CRHR1: variants seen among roughly 807,000 people sequenced by gnomAD.
CRHR1 encodes corticotropin releasing hormone receptor 1, also known as corticotropin-releasing hormone receptor 1.
Under a neutral mutation model 56.0 loss-of-function variants are expected in CRHR1, and 28 were observed. The ratio of observed to expected loss-of-function variants is 0.50; its 90% CI spans 0.37 to 0.69. The LOEUF is 0.69. CRHR1 is among the 30% of genes least tolerant of loss of function. The pLI is 0.00. For missense variants in CRHR1, 376 were observed against 548.0 expected (o/e 0.69, Z 3.13); for synonymous variants, 195 against 216.5 (o/e 0.90, Z 0.87).
At chr17:45,798,579 A>G (rs1344418241) in intron 1 of CRHR1, among the ~76,000 whole-genome samples, 2 of 151,364 alleles carry the variant, frequency 1.3e-5, no homozygotes, top group Admixed American at 6.6e-5. Flanking sequence ...GGGAGCTTAC[A>G]ACTCAAGCTT....
chr17:45,830,940 A>T lies in CRHR1; in HGVS notation c.770A>T (p.Lys257Met), dbSNP rs1238805391. 1.9e-6 allele frequency: 3 copies of T among 1,613,766 alleles called. No individual in the cohort carries two copies. The Admixed American group carries it at 5.0e-5, about 27-fold the overall frequency. The change falls in exon 8 of 13, where the codon AAG becomes ATG. Residue 257 changes from lysine to methionine, a missense_variant and splice_region_variant. By Grantham distance (95) the Lys-to-Met change is moderately conservative. Transcript: ENST00000314537. Reference sequence around the variant, plus strand: ...GGGAAGCTGTACTACGACAATGAGAAGTAAGTCATCTCCTTTCCCTTCCTG... The same window carrying T: ...GGGAAGCTGTACTACGACAATGAGATGTAAGTCATCTCCTTTCCCTTCCTG... ...AIGKLYYDNE[K>M]CWFGKRPGVY...
chr17:45,811,650 C>A (rs1261929057), intron 2 of CRHR1, among the ~76,000 whole-genome samples: 1 of 152,164 alleles, frequency 6.6e-6, no homozygotes, highest in African/African-American at 2.4e-5. Flanking sequence ...CTCAGACACA[C>A]CAAGCACACA....
At chr17:45,800,917 C>G (rs933391096) in intron 1 of CRHR1, 1 of 152,230 alleles carries the variant, frequency 6.6e-6, no homozygotes, top group African/African-American at 2.4e-5. Flanking sequence ...TCAGGACCCT[C>G]CCCAAAAGGT....
intron 4 of CRHR1, among the ~76,000 whole-genome samples, chr17:45,822,934 A>G (rs956200296): frequency 2.6e-5 from 4 of 151,972 alleles, no homozygotes; most frequent in African/African-American, 9.7e-5. Flanking sequence ...TCACGAGGTC[A>G]GGAGATCGAG....
At chr17:45,786,487 C>T (rs1029319237) in intron 1 of CRHR1, among the ~76,000 whole-genome samples, 3 of 152,290 alleles carry the variant, frequency 2.0e-5, no homozygotes, top group African/African-American at 4.8e-5. Flanking sequence ...GTCCTCCTAA[C>T]AGCCCTAGGA....
Position 45,833,436 on chromosome 17 carries a change from T to G in CRHR1, c.844-16T>G, listed in dbSNP as rs2062362770. 6.2e-7 allele frequency: 1 copy of G among 1,613,674 alleles called. No homozygotes were observed. On this transcript the variant is annotated splice_polypyrimidine_tract_variant and intron_variant, in intron 9 of 12. Coordinates refer to ENST00000314537, the MANE Select transcript of CRHR1 (RefSeq NM_004382.5). ...CCTCTTGCACACTCCGGCCCGCTGG[T>G]GTGCTCAAATTGCAGATCAATTTCA...
chr17:45,821,324 C>T lies in CRHR1; in HGVS notation c.242-31C>T, dbSNP rs368616971. The T allele has an allele frequency of 5.6e-4, 897 of 1,603,438 alleles. 2 individuals carry two copies. Among genetic ancestry groups the T allele is most frequent in the African/African-American group, 4.6e-3 (344 of 74,906 alleles). ...GGTCAGGCAGGGGCCGGGGCTGCCCCGCCATCACTGCCTCTCTCTTCCTTT... is the reference window on the plus strand; with the variant it reads ...GGTCAGGCAGGGGCCGGGGCTGCCCTGCCATCACTGCCTCTCTCTTCCTTT... On this transcript the variant is annotated intron_variant, in intron 3 of 12. Transcript: ENST00000314537.
chr17:45,832,555 CT>C (rs1488478608), intron 8 of CRHR1, among the ~76,000 whole-genome samples: 1 of 152,238 alleles, frequency 6.6e-6, no homozygotes, highest in Non-Finnish European at 1.5e-5. Context: ...GACATAAGGG[CT>C]TCCAGTTTGT....
At chr17:45,797,744 A>G (rs2061548081) in intron 1 of CRHR1, among the ~76,000 whole-genome samples, 1 of 152,110 alleles carries the variant, frequency 6.6e-6, no homozygotes, top group South Asian at 2.1e-4. Flanking sequence ...AAAGATTCCA[A>G]CAAGCATCTC....
chr17:45,789,196 C>T (rs1041822624), intron 1 of CRHR1, among the ~76,000 whole-genome samples: 3 of 152,178 alleles, frequency 2.0e-5, no homozygotes, highest in Admixed American at 6.5e-5. Flanking sequence ...TCTCCCAGCT[C>T]TGATTCTACC....
At chr17:45,785,473 C>T (rs901367550) in intron 1 of CRHR1, among the ~76,000 whole-genome samples, 1 of 152,224 alleles carries the variant, frequency 6.6e-6, no homozygotes, top group African/African-American at 2.4e-5. Context: ...GCCGGAGAGG[C>T]GGGTGGGCCT....
In CRHR1 at chr17:45,793,437, G is replaced by A. The variant is rs78162910; in HGVS notation, c.33+8860G>A. ...GCCTCCAAATGGGGACTGGGGAGGCGGCCTAGGTGGCATCCTGGGGTTCCC... is the reference window on the plus strand; with the variant it reads ...GCCTCCAAATGGGGACTGGGGAGGCAGCCTAGGTGGCATCCTGGGGTTCCC... On this transcript the variant is annotated intron_variant, in intron 1 of 12. Transcript: ENST00000314537. Among the ~76,000 whole-genome samples, 10 of 152,164 alleles carry A rather than the reference G, an allele frequency of 6.6e-5. No homozygotes were observed. In the East Asian group the frequency reaches 7.7e-4, roughly 12 times the overall value.
At chr17:45,794,803 C>T (rs182961396) in intron 1 of CRHR1, among the ~76,000 whole-genome samples, 2 of 152,336 alleles carry the variant, frequency 1.3e-5, no homozygotes, top group South Asian at 2.1e-4. Flanking sequence ...TACCCCTTGT[C>T]CCCGCACTCA....
rs2062240021 is a variant in CRHR1 at position 45,829,332 on chromosome 17, C to G, written c.434+11C>G. On this transcript the variant is annotated intron_variant, in intron 5 of 12. Transcript: ENST00000314537. ...CTTTCTGCGGCTCAGGTGAGAAGAC[C>G]CCAGCACTGCCTCCTCCTGTCCCCA... 1 of 1,601,900 alleles carries G rather than the reference C, an allele frequency of 6.2e-7. No individual in the cohort carries two copies. Among genetic ancestry groups the G allele is most frequent in the African/African-American group, 1.3e-5 (1 of 74,676 alleles).
intron 3 of CRHR1, 27 bp from the exon 4 acceptor site, chr17:45,821,328 A>G (rs1205450956): frequency 6.2e-6 from 10 of 1,609,350 alleles, no homozygotes; most frequent in Non-Finnish European, 7.6e-6. Context: ...CTGCCCCGCC[A>G]TCACTGCCTC....
intron 1 of CRHR1, among the ~76,000 whole-genome samples, chr17:45,797,227 A>G (rs891173007): frequency 1.1e-4 from 16 of 149,858 alleles, no homozygotes; most frequent in Admixed American, 2.6e-4. Context: ...CAGAGTGGTG[A>G]CCATTTGTGC....
intron 1 of CRHR1, among the ~76,000 whole-genome samples, chr17:45,806,733 C>T (rs1280968840): frequency 2.6e-5 from 4 of 152,148 alleles, no homozygotes; most frequent in South Asian, 2.1e-4. Flanking sequence ...GGGTAAAATT[C>T]GCCTCTTCCC....
chr17:45,822,909 G>A (rs2062074319), intron 4 of CRHR1, among the ~76,000 whole-genome samples: 1 of 151,504 alleles, frequency 6.6e-6, no homozygotes, highest in South Asian at 2.1e-4. Context: ...ACTTTGGGAG[G>A]ACGAGGCAGG....
At chr17:45,832,886 C>A (rs2062345951) in intron 8 of CRHR1, among the ~76,000 whole-genome samples, 1 of 152,284 alleles carries the variant, frequency 6.6e-6, no homozygotes, top group Admixed American at 6.5e-5. Flanking sequence ...GTCTTTCCCA[C>A]TGTCTACCTC....
Sources: gnomAD v4.1 joint callset for allele counts (sites outside exome capture counted in the v4.1 genomes callset) on GRCh38, gnomAD v4.1.1 for gene constraint, MANE v1.5 for transcripts, NCBI Gene and HGNC (gene_info 2026-07-23, HGNC 2026-07-21) for gene names.